Variants in ADAMTSL1 observed in about 807,000 individuals in gnomAD.
ADAMTSL1 encodes the protein ADAMTS-like protein 1.
In ADAMTSL1, 126 loss-of-function variants were observed where a neutral mutation model predicts 201.8. That is an observed-to-expected ratio of 0.62 (90% CI 0.54 to 0.72). ADAMTSL1 has a LOEUF of 0.72. ADAMTSL1 is among the 30% of genes least tolerant of loss of function. The pLI is 0.00. For missense variants in ADAMTSL1, 2,679 were observed against 2,277.8 expected, an observed-to-expected ratio of 1.18 and a Z score of -3.59; for synonymous variants, 1,121 against 903.4, an observed-to-expected ratio of 1.24 and a Z score of -4.32.
intron 2 of ADAMTSL1, among the ~76,000 whole-genome samples, chr9:18,257,404 G>A (rs1214786661): frequency 2.0e-5 from 3 of 152,126 alleles, no homozygotes; most frequent in South Asian, 4.1e-4. Flanking sequence ...TGTTCAATAA[G>A]CGCATGAAAA....
chr9:18,558,794 C>A (rs1821276158), intron 3 of ADAMTSL1, among the ~76,000 whole-genome samples: 1 of 152,092 alleles, frequency 6.6e-6, no homozygotes, highest in African/African-American at 2.4e-5. Context: ...TGTTTGTTGG[C>A]CACATAAATG....
intron 1 of ADAMTSL1, among the ~76,000 whole-genome samples, chr9:17,922,876 C>T (rs1324519215): frequency 6.6e-6 from 1 of 152,158 alleles, no homozygotes; most frequent in East Asian, 1.9e-4. Flanking sequence ...ATAGCCTCAG[C>T]TCTCAGTCAC....
At chr9:18,253,943 CTTCA>C (rs1831568921) in intron 2 of ADAMTSL1, among the ~76,000 whole-genome samples, 1 of 152,158 alleles carries the variant, frequency 6.6e-6, no homozygotes, top group Non-Finnish European at 1.5e-5. Context: ...ACATTGCCAT[CTTCA>C]TTCCTTTGGC....
intron 23 of ADAMTSL1, among the ~76,000 whole-genome samples, chr9:18,884,914 A>G (rs1563886604): frequency 6.6e-6 from 1 of 152,144 alleles, no homozygotes; most frequent in African/African-American, 2.4e-5. Flanking sequence ...GAGATTCTCT[A>G]TTTGCAAAAT....
At chr9:18,149,112 A>G (rs965275505) in intron 1 of ADAMTSL1, among the ~76,000 whole-genome samples, 1 of 152,074 alleles carries the variant, frequency 6.6e-6, no homozygotes, top group African/African-American at 2.4e-5. Context: ...TTTGGAGAGT[A>G]GCTCCTCTGA....
At chr9:18,102,005 C>T (rs1248947547) in intron 1 of ADAMTSL1, among the ~76,000 whole-genome samples, 1 of 152,164 alleles carries the variant, frequency 6.6e-6, no homozygotes, top group South Asian at 2.1e-4. Flanking sequence ...TTTCATTTAG[C>T]TCCCGTGTGT....
intron 1 of ADAMTSL1, among the ~76,000 whole-genome samples, chr9:18,482,119 A>G (rs566567304): frequency 2.6e-4 from 39 of 152,388 alleles, no homozygotes; most frequent in Admixed American, 2.0e-3. Context: ...ATTAATTACA[A>G]TAAGACCAAG....
chr9:18,192,029 A>C (rs1020252824), intron 2 of ADAMTSL1, among the ~76,000 whole-genome samples: 7 of 152,152 alleles, frequency 4.6e-5, no homozygotes, highest in Non-Finnish European at 7.4e-5. Flanking sequence ...GGTGTTTGAC[A>C]TTGATGGTAT....
chr9:18,573,907 T>G, intron 3 of ADAMTSL1, 123 bp from the exon 4 acceptor site: 1 of 708,892 alleles, frequency 1.4e-6, no homozygotes, highest in Non-Finnish European at 2.4e-6. Flanking sequence ...ATAAGTTCCA[T>G]CTATCATGAC....
intron 20 of ADAMTSL1, among the ~76,000 whole-genome samples, chr9:18,808,425 T>C (rs1823296260): frequency 1.3e-5 from 2 of 152,152 alleles, no homozygotes; most frequent in Non-Finnish European, 2.9e-5. Flanking sequence ...TAAGAATGTA[T>C]AAGAAGTAGC....
intron 4 of ADAMTSL1, among the ~76,000 whole-genome samples, chr9:18,592,117 A>G (rs1823957901): frequency 6.6e-6 from 1 of 152,112 alleles, no homozygotes; most frequent in Non-Finnish European, 1.5e-5. Flanking sequence ...TAATGGTTTC[A>G]CCAGGATTCA....
In ADAMTSL1 at chr9:18,753,508, G is replaced by T; in HGVS notation, c.2217G>T (p.Pro739=). The T allele has an allele frequency of 1.9e-6, 3 of 1,608,528 alleles. No individual in the cohort carries two copies. Among genetic ancestry groups the T allele is most frequent in the Non-Finnish European group, 2.5e-6 (3 of 1,178,488 alleles). ...PPAWYPAQWQ[P]CSRTCGGGVQ... is the part of the protein sequence containing the mutation. ...CCTGGTACCCTGCACAGTGGCAGCCGGTGAGTTCTGAAGTTACTCAATATT... is the reference window on the plus strand; with the variant it reads ...CCTGGTACCCTGCACAGTGGCAGCCTGTGAGTTCTGAAGTTACTCAATATT... Residue 739 remains proline, a splice_region_variant and synonymous_variant, in exon 16 of 29, where the codon CCG becomes CCT. Coordinates refer to ENST00000380548, the MANE Select transcript of ADAMTSL1 (RefSeq NM_001040272.6).
At chr9:18,294,958 C>T (rs575379087) in intron 2 of ADAMTSL1, among the ~76,000 whole-genome samples, 2 of 152,226 alleles carry the variant, frequency 1.3e-5, no homozygotes, top group South Asian at 4.2e-4. Flanking sequence ...TTCTTCTGCT[C>T]TCTTTCTCCC....
intron 10 of ADAMTSL1, among the ~76,000 whole-genome samples, chr9:18,676,936 C>T (rs953618846): frequency 6.6e-6 from 1 of 151,958 alleles, no homozygotes; most frequent in Non-Finnish European, 1.5e-5. Context: ...CTTCATTCTC[C>T]CATTTCTTCC....
intron 2 of ADAMTSL1, among the ~76,000 whole-genome samples, chr9:18,317,392 CA>C (rs1343821190): frequency 9.7e-5 from 10 of 102,998 alleles, no homozygotes; most frequent in African/African-American, 4.6e-4. Context: ...TAAGTGTCCT[CA>C]ACACACACAC....
intron 2 of ADAMTSL1, among the ~76,000 whole-genome samples, chr9:18,320,987 T>C (rs538375014): frequency 6.6e-6 from 1 of 152,208 alleles, no homozygotes; most frequent in South Asian, 2.1e-4. Context: ...ACTGTATTAC[T>C]AATTATATTA....
At chr9:18,368,464 AT>A (rs1313903795) in intron 2 of ADAMTSL1, among the ~76,000 whole-genome samples, 1 of 152,118 alleles carries the variant, frequency 6.6e-6, no homozygotes, top group Admixed American at 6.5e-5. Flanking sequence ...ATGTACGGCC[AT>A]TTTCCTGCAT....
intron 3 of ADAMTSL1, among the ~76,000 whole-genome samples, chr9:18,551,683 C>T (rs927119435): frequency 2.0e-5 from 3 of 151,648 alleles, no homozygotes; most frequent in African/African-American, 7.3e-5. Flanking sequence ...CACGGTGCCT[C>T]AGTCTCCTCA....
At position 18,729,658 on chromosome 9, in the gene ADAMTSL1, G is replaced by T. The variant is rs112644675; in HGVS notation, c.2006+7993G>T. 5.6e-3 allele frequency among the ~76,000 whole-genome samples: 848 copies of T among 152,306 alleles called. 4 individuals are homozygous for T. The highest frequency in any genetic ancestry group is 0.018 in the African/African-American group (737 of 41,572). ...CTGAACAAATGTCTATTGAATGCCT[G>T]CATTGTGCCAAGCATTGTGTGGGAG... On this transcript the variant is annotated intron_variant, in intron 15 of 28. Coordinates refer to ENST00000380548, the MANE Select transcript of ADAMTSL1 (RefSeq NM_001040272.6).
Sources: gnomAD v4.1 joint callset for allele counts (sites outside exome capture counted in the v4.1 genomes callset) on GRCh38, gnomAD v4.1.1 for gene constraint, MANE v1.5 for transcripts, NCBI Gene and HGNC (gene_info 2026-07-23, HGNC 2026-07-21) for gene names.